Variants in KCNJ15 observed in about 807,000 individuals in gnomAD.
KCNJ15 encodes ATP-sensitive inward rectifier potassium channel 15.
In KCNJ15, 14 loss-of-function variants were observed where a neutral mutation model predicts 23.0. That is an observed-to-expected ratio of 0.61 (90% CI 0.40 to 0.95). The LOEUF (loss-of-function observed/expected upper bound fraction) is 0.95. KCNJ15 is among the 40% of genes least tolerant of loss of function. The probability of loss-of-function intolerance (pLI) is 0.00; values close to 1 mark genes in which losing one functional copy is unlikely to be tolerated. For synonymous variants in KCNJ15, 185 were observed against 183.2 expected, an observed-to-expected ratio of 1.01 and a Z score of -0.08; for missense variants, 388 against 461.8, an observed-to-expected ratio of 0.84 and a Z score of 1.46.
In KCNJ15 at chr21:38,299,345, C is replaced by G; in HGVS notation, c.84C>G (p.Arg28=). 6.2e-7 allele frequency: 1 copy of G among 1,614,148 alleles called. No individual in the cohort carries two copies. The highest frequency in any genetic ancestry group is 8.5e-7 in the Non-Finnish European group (1 of 1,180,012). Residue 28 remains arginine, a synonymous_variant, in exon 3 of 3, where the codon CGC becomes CGG. Coordinates refer to ENST00000398938, the MANE Select transcript of KCNJ15 (RefSeq NM_170736.3). The surrounding 1 kb of genome is among the most constrained non-coding windows in gnomAD (Gnocchi z 4.5). The stretch of plus-strand genomic sequence containing the variant: ...CTGGGCTCAAGGCCAACAGACCCCG[C>G]GTCATGTCCAAGAGTGGGCACAGCA... The part of the protein sequence containing the change: ...AGAGLKANRP[R]VMSKSGHSNV...
chr21:38,275,276 T>C (rs1384460111), intron 1 of KCNJ15, among the ~76,000 whole-genome samples: 1 of 152,182 alleles, frequency 6.6e-6, no homozygotes, highest in Non-Finnish European at 1.5e-5. Flanking sequence ...GCCTGGCTTC[T>C]TTTTTCCTGC....
At chr21:38,251,822 C>T (rs1431456768), upstream of KCNJ15, among the ~76,000 whole-genome samples, 1 of 152,192 alleles carries the variant, frequency 6.6e-6, no homozygotes, top group South Asian at 2.1e-4. Context: ...GATTATTGGT[C>T]ACCTTACAAA....
chr21:38,299,359 G>A lies in KCNJ15; in HGVS notation c.98G>A (p.Ser33Asn). 1 of 1,614,232 alleles carries A rather than the reference G, an allele frequency of 6.2e-7. No homozygotes were observed. The highest frequency in any genetic ancestry group is 1.7e-5 in the Admixed American group (1 of 60,030). Reference sequence around the variant, plus strand: ...AACAGACCCCGCGTCATGTCCAAGAGTGGGCACAGCAACGTGAGAATTGAC... The same window carrying A: ...AACAGACCCCGCGTCATGTCCAAGAATGGGCACAGCAACGTGAGAATTGAC... The part of the protein sequence containing the change: ...KANRPRVMSK[S>N]GHSNVRIDKV... Residue 33 changes from serine to asparagine, a missense_variant, in exon 3 of 3, where the codon AGT becomes AAT. Coordinates refer to ENST00000398938, the MANE Select transcript of KCNJ15 (RefSeq NM_170736.3). The surrounding 1 kb of genome is among the most constrained non-coding windows in gnomAD (Gnocchi z 4.5).
Position 38,299,657 on chromosome 21 carries a change from C to T in KCNJ15, c.396C>T (p.Val132=), listed in dbSNP as rs1407027154. The T allele has an allele frequency of 6.2e-7, 1 of 1,614,180 alleles. No homozygotes were observed. The highest frequency in any genetic ancestry group is 2.2e-5 in the East Asian group (1 of 44,884). ...CCCAGACAACCATTGGCTATGGAGT[C>T]CGTTCCATCACAGAGGAATGTCCTC... The part of the protein sequence containing the change: ...LESQTTIGYG[V]RSITEECPHA... Residue 132 remains valine (V), a synonymous_variant, in exon 3 of 3, where the codon GTC becomes GTT. Transcript: ENST00000398938. This position sits in a 1 kb window ranked among gnomAD's most constrained non-coding sequence, Gnocchi z 4.5.
At chr21:38,264,762 G>A (rs578175399) in intron 1 of KCNJ15, among the ~76,000 whole-genome samples, 59 of 152,308 alleles carry the variant, frequency 3.9e-4, no homozygotes, top group African/African-American at 9.9e-4. Context: ...CTAGAATTGC[G>A]TAAGTGGGGT....
intron 1 of KCNJ15, chr21:38,291,630 T>C (rs1569013972): frequency 6.6e-6 from 1 of 152,226 alleles, no homozygotes; most frequent in Admixed American, 6.5e-5. Flanking sequence ...GTGAAGAGTA[T>C]AAATCGTGGT....
chr21:38,259,747 C>T lies in KCNJ15; in HGVS notation c.-117+2562C>T, dbSNP rs139229369. On this transcript the variant is annotated intron_variant, in intron 1 of 2. Coordinates refer to ENST00000398938, the MANE Select transcript of KCNJ15 (RefSeq NM_170736.3). ...GGTGCAGCTGATGGTGGGATAAGGC[C>T]GGGGAAGTCTGGATCTAGAACAAAG... Among the ~76,000 whole-genome samples the T allele has an allele frequency of 7.6e-3, 1,155 of 152,172 alleles. 14 individuals carry two copies. Among genetic ancestry groups the T allele is most frequent in the African/African-American group, 0.027 (1,126 of 41,514 alleles).
chr21:38,262,177 A>C (rs1980973642), intron 1 of KCNJ15, among the ~76,000 whole-genome samples: 1 of 152,170 alleles, frequency 6.6e-6, no homozygotes, highest in African/African-American at 2.4e-5. Flanking sequence ...AAATTTGAAA[A>C]GTTTATCCTC....
intron 1 of KCNJ15, among the ~76,000 whole-genome samples, chr21:38,277,026 A>T (rs1180114831): frequency 1.2e-5 from 1 of 86,000 alleles, no homozygotes; most frequent in East Asian, 3.2e-4. Context: ...AGATTAAAAA[A>T]TTGTGTGTGT....
In KCNJ15 at chr21:38,299,515, A is replaced by T; in HGVS notation, c.254A>T (p.Tyr85Phe). 1 of 1,614,144 alleles carries T rather than the reference A, an allele frequency of 6.2e-7. No homozygotes were observed. The highest frequency in any genetic ancestry group is 8.5e-7 in the Non-Finnish European group (1 of 1,180,030). The change falls in exon 3 of 3, where the codon TAC becomes TTC. Residue 85 changes from tyrosine (Y) to phenylalanine (F), a missense_variant. Tyr to Phe is a conservative substitution (Grantham distance 22). Coordinates refer to ENST00000398938, the MANE Select transcript of KCNJ15 (RefSeq NM_170736.3). The surrounding 1 kb of genome is among the most constrained non-coding windows in gnomAD (Gnocchi z 4.5). ...ACCTGGTTCCTTTTTGGAGTCATCT[A>T]CTATGCCATCGCGTTTATTCATGGG... ...VMTWFLFGVI[Y>F]YAIAFIHGDL...
At position 38,300,198 on chromosome 21, in the gene KCNJ15, C is replaced by A; in HGVS notation, c.937C>A (p.Pro313Thr). Residue 313 changes from proline (P) to threonine (T), a missense_variant, in exon 3 of 3, where the codon CCT becomes ACT. Transcript: ENST00000398938. ...EEIYWGFEFV[P>T]VVSLSKNGKY... ...AATCTACTGGGGTTTTGAGTTTGTG[C>A]CTGTGGTATCTCTCTCCAAAAATGG... 1.2e-6 allele frequency: 2 copies of A among 1,614,084 alleles called. No homozygotes were observed. Among genetic ancestry groups the A allele is most frequent in the Non-Finnish European group, 1.7e-6 (2 of 1,180,008 alleles).
rs546622479 is a variant in KCNJ15, at chr21:38,300,453, A to C, written c.*64A>C. On this transcript the variant is annotated 3_prime_UTR_variant, in exon 3 of 3. Coordinates refer to ENST00000398938, the MANE Select transcript of KCNJ15 (RefSeq NM_170736.3). ...TTCCACATCAGAACTCCCTTCAAAC[A>C]CAAAGATTGCTGTGAAAACGAAAAT... The C allele has an allele frequency of 7.4e-5, 107 of 1,439,822 alleles. No individual in the cohort carries two copies. Among genetic ancestry groups the C allele is most frequent in the Non-Finnish European group, 9.2e-5 (98 of 1,064,006 alleles). The allele number at this position is 1,439,822 out of a possible 1,614,324, so 89.2% of individuals were successfully genotyped here. A position where few individuals can be genotyped will look rare whatever the true frequency, so the allele number is the denominator to read the frequency against.
intron 1 of KCNJ15, among the ~76,000 whole-genome samples, chr21:38,241,719 C>A (rs891321587): frequency 1.3e-5 from 2 of 152,086 alleles, no homozygotes; most frequent in African/African-American, 4.8e-5. Flanking sequence ...GTAATCATAG[C>A]ACTTTGGGAG....
chr21:38,259,417 A>T (rs1980648805), intron 1 of KCNJ15, among the ~76,000 whole-genome samples: 1 of 152,196 alleles, frequency 6.6e-6, no homozygotes, highest in African/African-American at 2.4e-5. Flanking sequence ...TTCAGTCTTT[A>T]ATATGTAAGT....
intron 1 of KCNJ15, among the ~76,000 whole-genome samples, chr21:38,232,669 G>A (rs528527739): frequency 6.6e-6 from 1 of 151,872 alleles, no homozygotes; most frequent in East Asian, 1.9e-4. Context: ...TATCTCAAAG[G>A]ATTTCTGAAT....
intron 1 of KCNJ15, among the ~76,000 whole-genome samples, chr21:38,245,925 G>C (rs1979346158): frequency 6.6e-6 from 1 of 152,172 alleles, no homozygotes; most frequent in Non-Finnish European, 1.5e-5. Flanking sequence ...TCAAGGTGAG[G>C]CCTGTGAAGT....
chr21:38,238,644 C>T (rs971024548), intron 1 of KCNJ15: 1 of 576,002 alleles, frequency 1.7e-6, no homozygotes, highest in East Asian at 4.2e-5. Context: ...TGTGGGCTGA[C>T]ACGGAATTGG....
chr21:38,300,016 T>C lies in KCNJ15; in HGVS notation c.755T>C (p.Met252Thr). The C allele has an allele frequency of 6.2e-7, 1 of 1,610,504 alleles. No homozygotes were observed. The highest frequency in any genetic ancestry group is 1.3e-5 in the African/African-American group (1 of 74,958). ...SSESPFLILP[M>T]TFYHVLDETS... ...GAGAGCCCCTTCCTCATTCTGCCCA[T>C]GACATTCTACCATGTGCTGGATGAG... Residue 252 changes from methionine (M) to threonine (T), a missense_variant, in exon 3 of 3, where the codon ATG (methionine) becomes ACG (threonine). Physicochemically the swap from Met to Thr is moderately conservative, Grantham distance 81 (BLOSUM62 -1). Coordinates refer to ENST00000398938, the MANE Select transcript of KCNJ15 (RefSeq NM_170736.3).
At chr21:38,247,317 G>T (rs534713063) in intron 1 of KCNJ15, among the ~76,000 whole-genome samples, 7 of 150,482 alleles carry the variant, frequency 4.7e-5, no homozygotes, top group African/African-American at 1.7e-4. Context: ...TGGATGGATC[G>T]ATGGGTAAAT....
Sources: gnomAD v4.1 joint callset for allele counts (sites outside exome capture counted in the v4.1 genomes callset) on GRCh38, gnomAD v4.1.1 for gene constraint, Gnocchi (gnomAD v3.1) non-coding constraint, MANE v1.5 for transcripts, NCBI Gene and HGNC (gene_info 2026-07-23, HGNC 2026-07-21) for gene names.